Variants in LRRC7 observed in about 807,000 individuals in gnomAD.
The protein encoded by LRRC7 is leucine-rich repeat-containing protein 7.
A neutral mutation model predicts 175.7 loss-of-function variants in LRRC7; 23 were observed. The observed-to-expected ratio is 0.13, with a 90% CI of 0.09 to 0.19. The LOEUF (loss-of-function observed/expected upper bound fraction) is 0.19. Ranked by LOEUF, LRRC7 falls within the 10% of genes least tolerant of loss-of-function variation. The pLI is 1.00. For missense variants in LRRC7, 1,354 were observed against 1,904.7 expected (o/e 0.71, Z 5.38); for synonymous variants, 685 against 680.9 (o/e 1.01, Z -0.09).
chr1:69,668,091 T>A (rs1658536262), intron 1 of LRRC7, among the ~76,000 whole-genome samples: 1 of 152,124 alleles, frequency 6.6e-6, no homozygotes, highest in Admixed American at 6.6e-5. Context: ...CAAAGAAAAC[T>A]AATAAAAACT....
intron 2 of LRRC7, among the ~76,000 whole-genome samples, chr1:69,725,347 C>A (rs1203751899): frequency 6.6e-6 from 1 of 152,068 alleles, no homozygotes; most frequent in Admixed American, 6.6e-5. Flanking sequence ...ACAATTCAAA[C>A]CTGTGTTGTT....
intron 7 of LRRC7, among the ~76,000 whole-genome samples, chr1:69,905,053 A>G (rs568600496): frequency 1.3e-5 from 2 of 152,172 alleles, no homozygotes; most frequent in South Asian, 2.1e-4. Flanking sequence ...TATGTCCTCA[A>G]TGGTAGACTT....
At chr1:69,816,884 A>G (rs1678664164) in intron 4 of LRRC7, among the ~76,000 whole-genome samples, 1 of 151,992 alleles carries the variant, frequency 6.6e-6, no homozygotes, top group Non-Finnish European at 1.5e-5. Flanking sequence ...CGTATAAGTG[A>G]TGTGATGCCA....
At chr1:69,944,416 G>A (rs1170957385) in intron 8 of LRRC7, among the ~76,000 whole-genome samples, 5 of 151,976 alleles carry the variant, frequency 3.3e-5, no homozygotes, top group African/African-American at 7.3e-5. Context: ...TCCATCAGTG[G>A]ACATTTGGGT....
intron 8 of LRRC7, among the ~76,000 whole-genome samples, chr1:69,958,593 G>A (rs1421193098): frequency 6.6e-6 from 1 of 151,990 alleles, no homozygotes; most frequent in Non-Finnish European, 1.5e-5. Flanking sequence ...AAAGTGTATA[G>A]GAAATAAGTC....
rs1026334455 is a variant in LRRC7, at chr1:70,136,370, G to A, written c.*14483G>A. On this transcript the variant is annotated 3_prime_UTR_variant, in exon 27 of 27. Transcript: ENST00000651989. ...GTAATTCTCTTGTAAGTCTGCCTCC[G>A]GACCATTCTAAGGTTTGTCCTCTAG... Among the ~76,000 whole-genome samples, 4 of 151,814 alleles carry A rather than the reference G, an allele frequency of 2.6e-5. No individual in the cohort carries two copies. The highest frequency in any genetic ancestry group is 6.6e-5 in the Admixed American group (1 of 15,256).
chr1:69,788,294 T>C (rs1024737924), intron 3 of LRRC7, among the ~76,000 whole-genome samples: 1 of 152,200 alleles, frequency 6.6e-6, no homozygotes, highest in Non-Finnish European at 1.5e-5. Context: ...GGAATTCAAA[T>C]AATTGCCTCA....
At position 69,998,418 on chromosome 1, in the gene LRRC7, C is replaced by A. The variant is rs917253722; in HGVS notation, c.1004+3785C>A. ...TTTGAAGAGTAGTAAAAGTCTCAGC[C>A]ATTTTTTTTTATTTTAATGCCCTCA... On this transcript the variant is annotated intron_variant, in intron 11 of 26. Coordinates refer to ENST00000651989, the MANE Select transcript of LRRC7 (RefSeq NM_001370785.2). 1.8e-4 allele frequency among the ~76,000 whole-genome samples: 27 copies of A among 152,226 alleles called. 1 individual carries two copies. Among genetic ancestry groups the A allele is most frequent in the Admixed American group, 9.2e-4 (14 of 15,288 alleles).
rs559477364 is a variant in LRRC7, at chr1:69,863,666, T to A, written c.647+25383T>A. 2.2e-4 allele frequency among the ~76,000 whole-genome samples: 33 copies of A among 152,334 alleles called. No homozygotes were observed. The South Asian group carries it at 6.4e-3, about 30-fold the overall frequency. ...TTAACAGAATAACTACATAAATAAA[T>A]GTAAAGTTACAACTATGAGTAATTA... On this transcript the variant is annotated intron_variant, in intron 7 of 26. Transcript: ENST00000651989.
In LRRC7 at chr1:70,143,334, C is replaced by CATTAT. The variant is rs1449471340; in HGVS notation, c.*21453_*21457dup. The stretch of plus-strand genomic sequence containing the variant: ...TTGGGATCTGATTTCAAAGAAATCC[C>CATTAT]ATTATATTATCAAGTCGTTTTCAAA... On this transcript the variant is annotated 3_prime_UTR_variant, in exon 27 of 27. Coordinates refer to ENST00000651989, the MANE Select transcript of LRRC7 (RefSeq NM_001370785.2). The CATTAT allele has an allele frequency of 6.6e-6, 1 of 151,766 alleles. No homozygotes were observed. The highest frequency in any genetic ancestry group is 1.5e-5 in the Non-Finnish European group (1 of 67,966). The allele number at this position is 151,766 out of a possible 1,614,324, so 9.4% of individuals were successfully genotyped here. A position where few individuals can be genotyped will look rare whatever the true frequency, so the allele number is the denominator to read the frequency against.
At chr1:69,977,776 A>T (rs1274866823) in intron 8 of LRRC7, among the ~76,000 whole-genome samples, 1 of 152,202 alleles carries the variant, frequency 6.6e-6, no homozygotes, top group Non-Finnish European at 1.5e-5. Flanking sequence ...GTATCACAAG[A>T]TAATGGGGCA....
At chr1:69,883,530 G>A (rs1686856782) in intron 7 of LRRC7, among the ~76,000 whole-genome samples, 2 of 100,994 alleles carry the variant, frequency 2.0e-5, no homozygotes, top group African/African-American at 3.8e-5. Context: ...TGTCAGATGA[G>A]TAGGTTGTGA....
chr1:69,608,899 T>C (rs113141807), intron 1 of LRRC7, among the ~76,000 whole-genome samples: 27,952 of 123,590 alleles, frequency 0.23, 3,579 homozygotes, highest in African/African-American at 0.36. Context: ...TATATATATA[T>C]ACACACACAC....
chr1:69,700,317 A>T (rs966857122), intron 2 of LRRC7, among the ~76,000 whole-genome samples: 2 of 152,210 alleles, frequency 1.3e-5, no homozygotes, highest in Non-Finnish European at 2.9e-5. Context: ...GTATTGAGTT[A>T]ATGTATGTAA....
At chr1:69,746,440 C>T (rs996368595) in intron 2 of LRRC7, among the ~76,000 whole-genome samples, 2 of 152,032 alleles carry the variant, frequency 1.3e-5, no homozygotes, top group African/African-American at 4.8e-5. Flanking sequence ...TCTGTGGAAT[C>T]ACATGTTTTT....
At chr1:70,060,067 T>C (rs968760600) in intron 23 of LRRC7, among the ~76,000 whole-genome samples, 1 of 152,100 alleles carries the variant, frequency 6.6e-6, no homozygotes, top group African/African-American at 2.4e-5. Flanking sequence ...TCCCAGCACT[T>C]AGCACTTTGG....
At chr1:69,839,148 C>A in intron 7 of LRRC7, 1 of 181,212 alleles carries the variant, frequency 5.5e-6, no homozygotes. Flanking sequence ...TTATTTTTTA[C>A]TTATTAAATC....
intron 7 of LRRC7, among the ~76,000 whole-genome samples, chr1:69,928,131 C>T (rs978083280): frequency 3.9e-4 from 59 of 152,120 alleles, no homozygotes; most frequent in African/African-American, 1.4e-3. Context: ...TTTTCGTGAA[C>T]CGTGAATGCT....
At chr1:69,905,437 G>A (rs1646271004) in intron 7 of LRRC7, among the ~76,000 whole-genome samples, 2 of 152,012 alleles carry the variant, frequency 1.3e-5, no homozygotes, top group Admixed American at 6.6e-5. Flanking sequence ...TCCCCAGAGT[G>A]TGATATTCCC....
Sources: allele counts gnomAD v4.1 joint callset (sites outside exome capture counted in the v4.1 genomes callset), GRCh38; gene constraint gnomAD v4.1.1; transcripts MANE v1.5; gene names NCBI Gene and HGNC (gene_info 2026-07-23, HGNC 2026-07-21).